DIP2C: variants seen among roughly 807,000 people sequenced by gnomAD.
DIP2C encodes the protein disco-interacting protein 2 homolog C.
DIP2C carries 33 observed loss-of-function variants against 192.4 expected under a neutral mutation model. The observed-to-expected ratio is 0.17, with a 90% confidence interval of 0.13 to 0.23. DIP2C has a LOEUF of 0.23. Ranked by LOEUF, DIP2C falls within the 10% of genes least tolerant of loss-of-function variation. DIP2C has a pLI of 1.00. For missense variants in DIP2C, 1,537 were observed against 2,110.1 expected, an observed-to-expected ratio of 0.73 and a Z score of 5.32; for synonymous variants, 979 against 864.1, an observed-to-expected ratio of 1.13 and a Z score of -2.33.
intron 1 of DIP2C, among the ~76,000 whole-genome samples, chr10:606,125 T>C (rs936296790): frequency 6.6e-6 from 1 of 152,168 alleles, no homozygotes. Context: ...CACGAACCCG[T>C]TTCTCCTCGC....
intron 1 of DIP2C, chr10:667,827 C>A (rs1857195828): frequency 6.6e-6 from 1 of 152,202 alleles, no homozygotes; most frequent in Non-Finnish European, 1.5e-5. Context: ...CATGCACATA[C>A]AATGCACTCA....
At chr10:678,665 G>A (rs1455802762) in intron 1 of DIP2C, among the ~76,000 whole-genome samples, 13 of 9,022 alleles carry the variant, frequency 1.4e-3, no homozygotes, top group Admixed American at 2.1e-3. Context: ...TCCTCCCTGT[G>A]CCCAGCTCCC....
At chr10:401,713 T>C (rs1964468723) in intron 9 of DIP2C, among the ~76,000 whole-genome samples, 2 of 149,128 alleles carry the variant, frequency 1.3e-5, no homozygotes, top group Non-Finnish European at 3.0e-5. Flanking sequence ...ACAAGTTTGG[T>C]ATGTGTTCCT....
At chr10:566,474 C>G (rs1175675144) in intron 1 of DIP2C, among the ~76,000 whole-genome samples, 1 of 152,230 alleles carries the variant, frequency 6.6e-6, no homozygotes, top group East Asian at 1.9e-4. Context: ...ACAAACAGCA[C>G]AGACACACCG....
intron 1 of DIP2C, among the ~76,000 whole-genome samples, chr10:600,286 C>A (rs1257852241): frequency 6.6e-6 from 1 of 152,210 alleles, no homozygotes; most frequent in Non-Finnish European, 1.5e-5. Flanking sequence ...CAGCTCATGT[C>A]AGGGCAGATG....
At chr10:426,563 G>A (rs1244377689) in intron 4 of DIP2C, among the ~76,000 whole-genome samples, 2 of 152,178 alleles carry the variant, frequency 1.3e-5, no homozygotes, top group Non-Finnish European at 2.9e-5. Context: ...TTTGAAAAAG[G>A]AAAACAAAGT....
At chr10:615,574 G>A (rs558617067) in intron 1 of DIP2C, among the ~76,000 whole-genome samples, 39 of 152,170 alleles carry the variant, frequency 2.6e-4, no homozygotes, top group Admixed American at 2.4e-3. Flanking sequence ...TTTACAAAAC[G>A]TCTATTTACT....
chr10:463,411 T>C (rs1347163896), intron 3 of DIP2C, among the ~76,000 whole-genome samples: 2 of 151,960 alleles, frequency 1.3e-5, no homozygotes, highest in African/African-American at 4.8e-5. Context: ...ACAAAGAGAA[T>C]AAAATACCTA....
At chr10:417,707 C>CCTCCCTGTCCACCTACACCTG in intron 6 of DIP2C, among the ~76,000 whole-genome samples, 1 of 83,528 alleles carries the variant, frequency 1.2e-5, no homozygotes, top group Non-Finnish European at 2.5e-5. Context: ...TGCCTGTCGG[C>CCTCCCTGTCCACCTACACCTG]TCAAATAGGC....
rs1486266212 is a variant in DIP2C, at chr10:347,456, G to A, written c.3231+1185C>T. Among the ~76,000 whole-genome samples, 130 of 115,292 alleles carry A rather than the reference G, an allele frequency of 1.1e-3. 4 individuals are homozygous for A. The highest frequency in any genetic ancestry group is 3.9e-3 in the African/African-American group (107 of 27,102). 75.6% of individuals were successfully genotyped at this position (115,292 alleles called of 152,430 possible). ...AACGTCACACGCACCCAGACACATCGCGCATAGTTCTCCCGGAAACCCCAC... is the reference window on the plus strand; with the variant it reads ...AACGTCACACGCACCCAGACACATCACGCATAGTTCTCCCGGAAACCCCAC... On this transcript the variant is annotated intron_variant, in intron 26 of 36. Transcript: ENST00000280886.
intron 1 of DIP2C, chr10:662,850 C>T: frequency 1.4e-6 from 1 of 717,530 alleles, no homozygotes; most frequent in East Asian, 2.7e-5. Context: ...GCCACACCCA[C>T]AGCCAGCAGA....
intron 1 of DIP2C, among the ~76,000 whole-genome samples, chr10:546,419 T>TA (rs1158870393): frequency 2.0e-5 from 3 of 152,186 alleles, no homozygotes; most frequent in African/African-American, 7.2e-5. Flanking sequence ...TGAGAACACC[T>TA]AACGCCTCTC....
intron 1 of DIP2C, among the ~76,000 whole-genome samples, chr10:494,446 G>A (rs943866860): frequency 2.0e-5 from 3 of 152,198 alleles, no homozygotes; most frequent in Admixed American, 6.5e-5. Context: ...CTCACCCAGA[G>A]TCTGACTTTA....
At chr10:293,439 T>C (rs1955590357) in intron 32 of DIP2C, among the ~76,000 whole-genome samples, 1 of 152,196 alleles carries the variant, frequency 6.6e-6, no homozygotes, top group Non-Finnish European at 1.5e-5. Context: ...ACTTAATATT[T>C]TAAACTACAC....
chr10:660,367 A>G lies in DIP2C; in HGVS notation c.85+29127T>C, dbSNP rs542954282. On this transcript the variant is annotated intron_variant, in intron 1 of 36. Coordinates refer to ENST00000280886, the MANE Select transcript of DIP2C (RefSeq NM_014974.3). ...GATCCTAGCCCTTGTCCCTGTTTCAAGTTCTGTGTATGAAACGGAGATTCT... is the reference window on the plus strand; with the variant it reads ...GATCCTAGCCCTTGTCCCTGTTTCAGGTTCTGTGTATGAAACGGAGATTCT... Among the ~76,000 whole-genome samples, 266 of 150,920 alleles carry G rather than the reference A, an allele frequency of 1.8e-3. 3 individuals carry two copies. The highest frequency in any genetic ancestry group is 6.2e-3 in the African/African-American group (254 of 40,914).
intron 1 of DIP2C, among the ~76,000 whole-genome samples, chr10:551,376 C>A (rs559586702): frequency 3.9e-5 from 6 of 152,352 alleles, no homozygotes; most frequent in African/African-American, 1.2e-4. Flanking sequence ...AAGGCCACGT[C>A]CCGCTTACCA....
chr10:487,561 ATGAGTG>A, intron 1 of DIP2C, among the ~76,000 whole-genome samples: 1 of 133,914 alleles, frequency 7.5e-6, no homozygotes, highest in East Asian at 2.3e-4. Flanking sequence ...CCGCCCATCA[ATGAGTG>A]TTTTTTTTTT....
At chr10:321,357 C>T (rs964428942) in intron 31 of DIP2C, among the ~76,000 whole-genome samples, 1 of 152,260 alleles carries the variant, frequency 6.6e-6, no homozygotes, top group African/African-American at 2.4e-5. Context: ...ACCAGGACCC[C>T]CTCTGACCGT....
At chr10:423,140 T>C in intron 4 of DIP2C, 107 bp from the exon 5 acceptor site, 1 of 1,075,390 alleles carries the variant, frequency 9.3e-7, no homozygotes. Context: ...TCAATAGTTG[T>C]TCAATGACTT....
Sources: allele counts gnomAD v4.1 joint callset (sites outside exome capture counted in the v4.1 genomes callset), GRCh38; gene constraint gnomAD v4.1.1; transcripts MANE v1.5; gene names NCBI Gene and HGNC (gene_info 2026-07-23, HGNC 2026-07-21).